LINGO4: variants seen among roughly 807,000 people sequenced by gnomAD.
LINGO4 encodes the protein leucine-rich repeat and immunoglobulin-like domain-containing nogo receptor-interacting protein 4.
Under a neutral mutation model 27.9 loss-of-function variants are expected in LINGO4, and 22 were observed. The ratio of observed to expected loss-of-function variants is 0.79; its 90% CI spans 0.56 to 1.13. The LOEUF (loss-of-function observed/expected upper bound fraction) is 1.13. LINGO4 is among the 50% of genes most tolerant of loss of function. The pLI is 0.00. For missense variants in LINGO4, 706 were observed against 739.4 expected (o/e 0.95, Z 0.52); for synonymous variants, 306 against 325.8 (o/e 0.94, Z 0.65).
Position 151,801,672 on chromosome 1 carries a change from G to T in LINGO4, c.1033C>A (p.Pro345Thr), listed in dbSNP as rs1489482547. The T allele has an allele frequency of 1.3e-5, 21 of 1,614,108 alleles. No individual in the cohort carries two copies. Among genetic ancestry groups the T allele is most frequent in the Non-Finnish European group, 1.6e-5 (19 of 1,180,056 alleles). ...AAGGTGACCAGTTTGTCTGGAGAAG[G>T]GAAAGCTGTTTCCTCTAGTGTCTGA... ...ALQTLEETAF[P>T]SPDKLVTLRL... Residue 345 changes from proline (P) to threonine (T), a missense_variant, in exon 2 of 2, where the codon CCT becomes ACT. Pro to Thr is a conservative substitution (Grantham distance 38). Transcript: ENST00000368820. The surrounding 1 kb of genome is among the most constrained non-coding windows in gnomAD (Gnocchi z 5.7).
At position 151,801,451 on chromosome 1, in the gene LINGO4, C is replaced by T. The variant is rs781385224; in HGVS notation, c.1254G>A (p.Ser418=). The T allele has an allele frequency of 1.8e-5, 29 of 1,614,164 alleles. No homozygotes were observed. Among genetic ancestry groups the T allele is most frequent in the South Asian group, 9.9e-5 (9 of 91,090 alleles). ...CCTCTGCAATGACCCATCGAGGCCC[C>T]GACTTTCGGATCAGGGCTGGTTTGC... ...FTCKPALIRK[S]GPRWVIAEEG... is the part of the protein sequence containing the mutation. Residue 418 remains serine (S), a synonymous_variant, in exon 2 of 2, where the codon TCG becomes TCA. Transcript: ENST00000368820. This position sits in a 1 kb window ranked among gnomAD's most constrained non-coding sequence, Gnocchi z 5.7.
chr1:151,800,652 T>G lies in LINGO4; in HGVS notation c.*271A>C. The G allele has an allele frequency of 6.8e-6, 3 of 441,158 alleles. No individual in the cohort carries two copies. The highest frequency in any genetic ancestry group is 1.2e-5 in the Non-Finnish European group (3 of 247,666). 27.3% of individuals were successfully genotyped at this position (441,158 alleles called of 1,614,324 possible). A position where few individuals can be genotyped will look rare whatever the true frequency, so the allele number is the denominator to read the frequency against. ...ACTAGCGCTTTGATTATGTTTCCTGTTTTGTGTGTGGAGGGGGTGAAGCAG... is the reference window on the plus strand; with the variant it reads ...ACTAGCGCTTTGATTATGTTTCCTGGTTTGTGTGTGGAGGGGGTGAAGCAG... On this transcript the variant is annotated 3_prime_UTR_variant, in exon 2 of 2. Coordinates refer to ENST00000368820, the MANE Select transcript of LINGO4 (RefSeq NM_001004432.4).
Position 151,801,835 on chromosome 1 carries a change from G to A in LINGO4, c.870C>T (p.Ala290=), listed in dbSNP as rs1383149066. 2.5e-6 allele frequency: 4 copies of A among 1,614,094 alleles called. No homozygotes were observed. In the African/African-American group the frequency reaches 4.0e-5, roughly 16 times the overall value. Residue 290 remains alanine (A), a synonymous_variant, in exon 2 of 2, where the codon GCC becomes GCT. Coordinates refer to ENST00000368820, the MANE Select transcript of LINGO4 (RefSeq NM_001004432.4). This position sits in a 1 kb window ranked among gnomAD's most constrained non-coding sequence, Gnocchi z 5.7. ...GGGGGCTGAGCCTTCGGGCTGGGATGGCTGAGATGGGATTCTGGGACAGAT... is the reference window on the plus strand; with the variant it reads ...GGGGGCTGAGCCTTCGGGCTGGGATAGCTGAGATGGGATTCTGGGACAGAT... ...VLDLSQNPIS[A]IPARRLSPLV...
At chr1:151,803,266 C>A (rs558989178) in intron 1 of LINGO4, among the ~76,000 whole-genome samples, 99 of 152,320 alleles carry the variant, frequency 6.5e-4, no homozygotes, top group African/African-American at 2.0e-3. Flanking sequence ...ACTAGCTCAC[C>A]CAAGGCTGGG....
At chr1:151,804,171 G>A (rs2101645606) in intron 1 of LINGO4, among the ~76,000 whole-genome samples, 1 of 152,182 alleles carries the variant, frequency 6.6e-6, no homozygotes, top group South Asian at 2.1e-4. Flanking sequence ...TTTAAGAGAT[G>A]GTCATTTCTT....
At chr1:151,804,996 G>A (rs1651248325) in intron 1 of LINGO4, among the ~76,000 whole-genome samples, 1 of 152,194 alleles carries the variant, frequency 6.6e-6, no homozygotes, top group South Asian at 2.1e-4. Flanking sequence ...CAGAGGAAGG[G>A]GAAGCACTGG....
At position 151,801,393 on chromosome 1, in the gene LINGO4, C is replaced by T; in HGVS notation, c.1312G>A (p.Asp438Asn). The T allele has an allele frequency of 6.2e-7, 1 of 1,614,152 alleles. No homozygotes were observed. The highest frequency in any genetic ancestry group is 1.1e-5 in the South Asian group (1 of 91,082). ...GGHAVFSCSG[D>N]GDPAPTVSWM... ...GAGACAGTGGGGGCTGGGTCTCCAT[C>T]TCCAGAGCAGGAGAAAACCGCATGC... The change falls in exon 2 of 2, where the codon GAT (aspartate) becomes AAT (asparagine). Residue 438 changes from aspartate (D) to asparagine (N), a missense_variant. Physicochemically the swap from Asp to Asn is conservative, Grantham distance 23 (BLOSUM62 1). Coordinates refer to ENST00000368820, the MANE Select transcript of LINGO4 (RefSeq NM_001004432.4). The surrounding 1 kb of genome is among the most constrained non-coding windows in gnomAD (Gnocchi z 5.7).
chr1:151,801,165 G>A lies in LINGO4; in HGVS notation c.1540C>T (p.Pro514Ser). ...GGGATCCCTGGCACGGTGATGTTGGGGTCAGAAAGTGTGCCGTTTGGTGGT... is the reference window on the plus strand; with the variant it reads ...GGGATCCCTGGCACGGTGATGTTGGAGTCAGAAAGTGTGCCGTTTGGTGGT... ...VEPPNGTLSD[P>S]NITVPGIPGP... Residue 514 changes from proline (P) to serine (S), a missense_variant, in exon 2 of 2, where the codon CCC (proline) becomes TCC (serine). Physicochemically the swap from Pro to Ser is moderately conservative, Grantham distance 74. Coordinates refer to ENST00000368820, the MANE Select transcript of LINGO4 (RefSeq NM_001004432.4). The surrounding 1 kb of genome is among the most constrained non-coding windows in gnomAD (Gnocchi z 5.7). 1.2e-6 allele frequency: 2 copies of A among 1,614,188 alleles called. No homozygotes were observed. The highest frequency in any genetic ancestry group is 1.7e-6 in the Non-Finnish European group (2 of 1,180,018).
Position 151,802,312 on chromosome 1 carries a change from G to C in LINGO4, c.393C>G (p.Leu131=). 6.2e-7 allele frequency: 1 copy of C among 1,614,208 alleles called. No individual in the cohort carries two copies. The highest frequency in any genetic ancestry group is 8.5e-7 in the Non-Finnish European group (1 of 1,180,040). ...GGAGGTCCAGCAGGGTCAGAGCAGA[G>C]AGGCCTGAGAAGACCCCAGGCCCCA... is the stretch of plus-strand genomic sequence containing the variant. ...RIMGPGVFSG[L]SALTLLDLRL... Residue 131 remains leucine, a synonymous_variant, in exon 2 of 2, where the codon CTC becomes CTG. Transcript: ENST00000368820.
Position 151,802,435 on chromosome 1 carries a change from G to A in LINGO4, c.270C>T (p.Asp90=), listed in dbSNP as rs1236637779. 6.2e-7 allele frequency: 1 copy of A among 1,614,212 alleles called. No individual in the cohort carries two copies. Among genetic ancestry groups the A allele is most frequent in the Non-Finnish European group, 8.5e-7 (1 of 1,180,042 alleles). ...GGGTTGAGAGCTGGTTGTAGCTGAG[G>A]TCCAATTCCTGGAGCAGGCTCAGGC... ...LSRLSLLQEL[D]LSYNQLSTLE... is the part of the protein sequence containing the mutation. Residue 90 remains aspartate, a synonymous_variant, in exon 2 of 2, where the codon GAC becomes GAT. Transcript: ENST00000368820.
chr1:151,805,345 C>T lies in LINGO4; in HGVS notation c.-129G>A, dbSNP rs1017911614. 7 of 187,416 alleles carry T rather than the reference C, an allele frequency of 3.7e-5. No individual in the cohort carries two copies. The highest frequency in any genetic ancestry group is 6.6e-5 in the Non-Finnish European group (6 of 90,378). 11.6% of individuals were successfully genotyped at this position (187,416 alleles called of 1,614,324 possible). A position where few individuals can be genotyped will look rare whatever the true frequency, so the allele number is the denominator to read the frequency against. On this transcript the variant is annotated 5_prime_UTR_variant, in exon 1 of 2. Coordinates refer to ENST00000368820, the MANE Select transcript of LINGO4 (RefSeq NM_001004432.4). ...CACCTTCCCTGTGTGCCTCAACCCC[C>T]GCTGCCTGGCTGCCCGGCTGCTGCC...
At position 151,800,889 on chromosome 1, in the gene LINGO4, G is replaced by A. The variant is rs377446471; in HGVS notation, c.*34C>T. 4.2e-5 allele frequency: 65 copies of A among 1,551,386 alleles called. No homozygotes were observed. The highest frequency in any genetic ancestry group is 4.9e-5 in the Non-Finnish European group (56 of 1,144,548). ...TGTCTTCCCCTTTGGTATCTGAAGC[G>A]GACTTGGTGGGTTCCCCACTGGGGA... On this transcript the variant is annotated 3_prime_UTR_variant, in exon 2 of 2. Transcript: ENST00000368820.
chr1:151,801,810 G>C lies in LINGO4; in HGVS notation c.895C>G (p.Leu299Val), dbSNP rs1423470812. The stretch of plus-strand genomic sequence containing the variant: ...AGGCGTAGCTCCTGGAGCCGCACCA[G>C]GGGGCTGAGCCTTCGGGCTGGGATG... The part of the protein sequence containing the change: ...SAIPARRLSP[L>V]VRLQELRLSG... Residue 299 changes from leucine (L) to valine (V), a missense_variant, in exon 2 of 2, where the codon CTG (leucine) becomes GTG (valine). Transcript: ENST00000368820. The surrounding 1 kb of genome is among the most constrained non-coding windows in gnomAD (Gnocchi z 5.7). 1 of 1,614,246 alleles carries C rather than the reference G, an allele frequency of 6.2e-7. No homozygotes were observed. Among genetic ancestry groups the C allele is most frequent in the South Asian group, 1.1e-5 (1 of 91,086 alleles).
In LINGO4 at chr1:151,802,196, A is replaced by G. The variant is rs756386505; in HGVS notation, c.509T>C (p.Phe170Ser). 4.3e-6 allele frequency: 7 copies of G among 1,614,024 alleles called. No homozygotes were observed. Among genetic ancestry groups the G allele is most frequent in the Non-Finnish European group, 5.1e-6 (6 of 1,180,020 alleles). Residue 170 changes from phenylalanine (F) to serine (S), a missense_variant, in exon 2 of 2, where the codon TTT becomes TCT. By Grantham distance (155) the Phe-to-Ser change is radical. Transcript: ENST00000368820. ...KLEVGDNHLV[F>S]VAPGAFAGLA... ...CCCTGCAAAGGCCCCCGGAGCCACAAATACCAGGTGGTTGTCCCCAACCTC... is the reference window on the plus strand; with the variant it reads ...CCCTGCAAAGGCCCCCGGAGCCACAGATACCAGGTGGTTGTCCCCAACCTC...
Position 151,801,785 on chromosome 1 carries a change from A to G in LINGO4, c.920T>C (p.Leu307Pro). The part of the protein sequence containing the change: ...SPLVRLQELR[L>P]SGACLTSIAA... ...AATGGAGGTGAGGCATGCCCCTGAC[A>G]GGCGTAGCTCCTGGAGCCGCACCAG... The change falls in exon 2 of 2, where the codon CTG (leucine) becomes CCG (proline). Residue 307 changes from leucine (L) to proline (P), a missense_variant. Leu to Pro is a moderately conservative substitution (Grantham distance 98). Coordinates refer to ENST00000368820, the MANE Select transcript of LINGO4 (RefSeq NM_001004432.4). This position sits in a 1 kb window ranked among gnomAD's most constrained non-coding sequence, Gnocchi z 5.7. 1.2e-6 allele frequency: 2 copies of G among 1,614,230 alleles called. No individual in the cohort carries two copies. Among genetic ancestry groups the G allele is most frequent in the African/African-American group, 2.7e-5 (2 of 75,070 alleles).
At position 151,801,359 on chromosome 1, in the gene LINGO4, C is replaced by T; in HGVS notation, c.1346G>A (p.Arg449Lys). 6.2e-7 allele frequency: 1 copy of T among 1,613,736 alleles called. No homozygotes were observed. The highest frequency in any genetic ancestry group is 1.1e-5 in the South Asian group (1 of 91,070). The change falls in exon 2 of 2, where the codon AGG (arginine) becomes AAG (lysine). Residue 449 changes from arginine to lysine, a missense_variant. Coordinates refer to ENST00000368820, the MANE Select transcript of LINGO4 (RefSeq NM_001004432.4). The surrounding 1 kb of genome is among the most constrained non-coding windows in gnomAD (Gnocchi z 5.7). ...GDPAPTVSWM[R>K]PHGAWLGRAG... ...CCTGCCCAGCCAAGCCCCATGAGGC[C>T]TCATCCAGGAGACAGTGGGGGCTGG...
At position 151,801,537 on chromosome 1, in the gene LINGO4, G is replaced by T. The variant is rs1413244767; in HGVS notation, c.1168C>A (p.His390Asn). ...MSPPACAGPH[H>N]VQGKSLKEFS... ...TCCTTCAGGCTCTTCCCCTGGACAT[G>T]ATGGGGGCCAGCACAGGCAGGGGGG... is the stretch of plus-strand genomic sequence containing the variant. The change falls in exon 2 of 2, where the codon CAT becomes AAT. Residue 390 changes from histidine to asparagine, a missense_variant. Coordinates refer to ENST00000368820, the MANE Select transcript of LINGO4 (RefSeq NM_001004432.4). The surrounding 1 kb of genome is among the most constrained non-coding windows in gnomAD (Gnocchi z 5.7). The T allele has an allele frequency of 1.2e-6, 2 of 1,613,982 alleles. No homozygotes were observed. Among genetic ancestry groups the T allele is most frequent in the Non-Finnish European group, 1.7e-6 (2 of 1,180,010 alleles).
rs778326010 is a variant in LINGO4, at chr1:151,801,883, G to A, written c.822C>T (p.His274=). The A allele has an allele frequency of 1.2e-6, 2 of 1,614,250 alleles. No homozygotes were observed. Among genetic ancestry groups the A allele is most frequent in the Admixed American group, 1.7e-5 (1 of 60,032 alleles). Reference sequence around the variant, plus strand: ...GATCCAGGACCCTGAGGAAGCTGAGGTGGTACAGTGCTTGGAAGGGCACCG... The same window carrying A: ...GATCCAGGACCCTGAGGAAGCTGAGATGGTACAGTGCTTGGAAGGGCACCG... ...LSSVPFQALY[H]LSFLRVLDLS... is the part of the protein sequence containing the mutation. Residue 274 remains histidine, a synonymous_variant, in exon 2 of 2, where the codon CAC becomes CAT. Transcript: ENST00000368820. The surrounding 1 kb of genome is among the most constrained non-coding windows in gnomAD (Gnocchi z 5.7).
chr1:151,804,793 T>C lies in LINGO4; in HGVS notation c.-14+437A>G, dbSNP rs78743010. 8.1e-3 allele frequency among the ~76,000 whole-genome samples: 1,233 copies of C among 152,316 alleles called. 24 individuals are homozygous for C. Among genetic ancestry groups the C allele is most frequent in the African/African-American group, 0.028 (1,169 of 41,568 alleles). On this transcript the variant is annotated intron_variant, in intron 1 of 1. Coordinates refer to ENST00000368820, the MANE Select transcript of LINGO4 (RefSeq NM_001004432.4). ...GGGGACATCACCAAGACATGACCCT[T>C]GAAGGCATCACCCCTCAAGGGTAGG...
Sources: allele counts gnomAD v4.1 joint callset (sites outside exome capture counted in the v4.1 genomes callset), GRCh38; gene constraint gnomAD v4.1.1; non-coding constraint Gnocchi (gnomAD v3.1); transcripts MANE v1.5; gene names NCBI Gene and HGNC (gene_info 2026-07-23, HGNC 2026-07-21).